VWA7: variants seen among roughly 807,000 people sequenced by gnomAD.
VWA7 encodes von Willebrand factor A domain containing 7.
A neutral mutation model predicts 83.1 loss-of-function variants in VWA7; 66 were observed. That is an observed-to-expected ratio of 0.79 (90% CI 0.65 to 0.98). The LOEUF (loss-of-function observed/expected upper bound fraction) is 0.98, where lower values mean the gene tolerates loss of function less well. Among genes scored for constraint, VWA7 ranks in the 50% least tolerant of loss-of-function variants. The pLI is 0.00. For synonymous variants in VWA7, 424 were observed against 488.5 expected, an observed-to-expected ratio of 0.87 and a Z score of 1.74; for missense variants, 1,080 against 1,160.2, an observed-to-expected ratio of 0.93 and a Z score of 1.00.
In VWA7 at chr6:31,775,192, G is replaced by A. The variant is rs146595626; in HGVS notation, c.610+141C>T. ...GGGAAGCTGCTTAACTGAGCCAGGC[G>A]TTGCTTGGACTGGGGGACCTCAGTC... On this transcript the variant is annotated intron_variant, in intron 4 of 16. Coordinates refer to ENST00000375688, the MANE Select transcript of VWA7 (RefSeq NM_025258.3). This position sits in a 1 kb window ranked among gnomAD's most constrained non-coding sequence, Gnocchi z 5.9. The A allele has an allele frequency of 6.8e-5, 46 of 673,536 alleles. 1 individual carries two copies. The highest frequency in any genetic ancestry group is 4.3e-4 in the Middle Eastern group (1 of 2,336). 41.7% of individuals were successfully genotyped at this position (673,536 alleles called of 1,614,324 possible). A position where few individuals can be genotyped will look rare whatever the true frequency, so the allele number is the denominator to read the frequency against.
rs1337561949 is a variant in VWA7, at chr6:31,766,024, G to T, written c.2358C>A (p.Gly786=). 3.1e-6 allele frequency: 5 copies of T among 1,612,056 alleles called. No individual in the cohort carries two copies. The highest frequency in any genetic ancestry group is 4.2e-6 in the Non-Finnish European group (5 of 1,179,922). The change falls in exon 16 of 17, where the codon GGC becomes GGA. Residue 786 remains glycine, a synonymous_variant. Coordinates refer to ENST00000375688, the MANE Select transcript of VWA7 (RefSeq NM_025258.3). The surrounding 1 kb of genome is among the most constrained non-coding windows in gnomAD (Gnocchi z 4.9). ...AATCTGGGACCTCCAGCCACAGGCG[G>T]CCCCAGGCCGACTCATTCAGTTCCA... The part of the protein sequence containing the change: ...AHLELNESAW[G]RLWLEVPDSA...
Position 31,766,153 on chromosome 6 carries a change from G to A in VWA7, c.2324+92C>T. The A allele has an allele frequency of 6.3e-7, 1 of 1,593,896 alleles. No individual in the cohort carries two copies. The highest frequency in any genetic ancestry group is 8.6e-7 in the Non-Finnish European group (1 of 1,168,976). ...GCACGGGAGCGGAGAGGAGGATTCT[G>A]AGGGCCAGTCGGAGGGGGACAGGGG... On this transcript the variant is annotated intron_variant, in intron 15 of 16. Transcript: ENST00000375688. The surrounding 1 kb of genome is among the most constrained non-coding windows in gnomAD (Gnocchi z 4.9).
At position 31,776,026 on chromosome 6, in the gene VWA7, C is replaced by G. The variant is rs1253716370; in HGVS notation, c.451G>C (p.Ala151Pro). ...VGALRETVVA[A>P]RALDHTLARQ... is the part of the protein sequence containing the mutation. ...GCCAGGGTGTGGTCAAGGGCCCTGG[C>G]TGCCACCACGGTCTCCCGCAGAGCC... The change falls in exon 3 of 17, where the codon GCC (alanine) becomes CCC (proline). Residue 151 changes from alanine to proline, a missense_variant. By Grantham distance (27) the Ala-to-Pro change is conservative (BLOSUM62 -1). Coordinates refer to ENST00000375688, the MANE Select transcript of VWA7 (RefSeq NM_025258.3). The surrounding 1 kb of genome is among the most constrained non-coding windows in gnomAD (Gnocchi z 6.2). The G allele has an allele frequency of 6.2e-7, 1 of 1,613,358 alleles. No homozygotes were observed. The highest frequency in any genetic ancestry group is 8.5e-7 in the Non-Finnish European group (1 of 1,180,020).
In VWA7 at chr6:31,766,628, C is replaced by T; in HGVS notation, c.2019G>A (p.Glu673=). The T allele has an allele frequency of 2.5e-6, 4 of 1,613,054 alleles. No homozygotes were observed. The highest frequency in any genetic ancestry group is 3.4e-6 in the Non-Finnish European group (4 of 1,180,024). ...EGAELGQVPL[E]PVGPPERGLL... is the part of the protein sequence containing the mutation. ...GACCTCGCTCCGGAGGTCCCACGGG[C>T]TCCAAGGGCACCTGGCCTAGTTCGG... The change falls in exon 14 of 17, where the codon GAG becomes GAA. Residue 673 remains glutamate, a synonymous_variant. Transcript: ENST00000375688. The surrounding 1 kb of genome is among the most constrained non-coding windows in gnomAD (Gnocchi z 4.9).
Position 31,766,641 on chromosome 6 carries a change from T to TG in VWA7, c.2005dup (p.Gln669ProfsTer28). 1 of 1,613,092 alleles carries TG rather than the reference T, an allele frequency of 6.2e-7. No homozygotes were observed. The highest frequency in any genetic ancestry group is 1.3e-5 in the African/African-American group (1 of 75,056). On this transcript the variant is annotated frameshift_variant, in exon 14 of 17. Coordinates refer to ENST00000375688, the MANE Select transcript of VWA7 (RefSeq NM_025258.3). LOFTEE classifies it high-confidence loss of function. The surrounding 1 kb of genome is among the most constrained non-coding windows in gnomAD (Gnocchi z 4.9). ...AGGTCCCACGGGCTCCAAGGGCACC[T>TG]GGCCTAGTTCGGCACCCTCTGGGAC...
intron 7 of VWA7, chr6:31,771,385 C>T (rs976499017): frequency 3.3e-5 from 5 of 152,282 alleles, no homozygotes; most frequent in African/African-American, 1.2e-4. Context: ...CTGTGACTGG[C>T]ACTTATACAT....
At position 31,775,661 on chromosome 6, in the gene VWA7, C is replaced by A. The variant is rs556757673; in HGVS notation, c.514-232G>T. On this transcript the variant is annotated intron_variant, in intron 3 of 16. Coordinates refer to ENST00000375688, the MANE Select transcript of VWA7 (RefSeq NM_025258.3). The surrounding 1 kb of genome is among the most constrained non-coding windows in gnomAD (Gnocchi z 5.9). ...TCTCTTCCCAGCTCAGAGTCTAACC[C>A]AAGGCCTCTCTCGGCCTGCAGAGTC... 1.3e-5 allele frequency among the ~76,000 whole-genome samples: 2 copies of A among 152,300 alleles called. No individual in the cohort carries two copies. The highest frequency in any genetic ancestry group is 4.1e-4 in the South Asian group (2 of 4,832).
rs770573518 is a variant in VWA7 at position 31,766,451 on chromosome 6, C to A, written c.2184+12G>T. On this transcript the variant is annotated intron_variant, in intron 14 of 16. Transcript: ENST00000375688. This position sits in a 1 kb window ranked among gnomAD's most constrained non-coding sequence, Gnocchi z 4.9. ...TCTCCAGCCCCAGCCGCACTTTCCC[C>A]TGGCGTCTCACCTCCAGAAGGACAG... The A allele has an allele frequency of 6.3e-7, 1 of 1,583,450 alleles. No individual in the cohort carries two copies. The highest frequency in any genetic ancestry group is 2.3e-5 in the East Asian group (1 of 43,802).
chr6:31,767,074 AAT>A (rs959366143), intron 13 of VWA7, 82 bp downstream of exon 13: 17 of 344,498 alleles, frequency 4.9e-5, no homozygotes, highest in East Asian at 1.4e-4. Context: ...TTATATATAT[AAT>A]ATATATATTA....
At position 31,775,949 on chromosome 6, in the gene VWA7, C is replaced by T. The variant is rs761514222; in HGVS notation, c.513+15G>A. The stretch of plus-strand genomic sequence containing the variant: ...GTGAAGACCCCTCTGACCATCAACC[C>T]AACCCTGTTCTCACCTGCAGGGCAT... On this transcript the variant is annotated intron_variant, in intron 3 of 16. Coordinates refer to ENST00000375688, the MANE Select transcript of VWA7 (RefSeq NM_025258.3). This position sits in a 1 kb window ranked among gnomAD's most constrained non-coding sequence, Gnocchi z 5.9. 5.6e-6 allele frequency: 9 copies of T among 1,598,794 alleles called. No individual in the cohort carries two copies. The highest frequency in any genetic ancestry group is 7.7e-6 in the Non-Finnish European group (9 of 1,171,912).
chr6:31,770,109 G>C lies in VWA7; in HGVS notation c.1092C>G (p.Phe364Leu). 4 of 1,612,498 alleles carry C rather than the reference G, an allele frequency of 2.5e-6. No homozygotes were observed. Among genetic ancestry groups the C allele is most frequent in the Non-Finnish European group, 3.4e-6 (4 of 1,179,672 alleles). ...YVLVPFHDPG[F>L]GPVFTTSDPD... The stretch of plus-strand genomic sequence containing the variant: ...GGTCACTGGTTGTAAAGACAGGGCC[G>C]AACCCTGGGAAGGGGAAAGGAGGTT... The change falls in exon 8 of 17, where the codon TTC becomes TTG. Residue 364 changes from phenylalanine to leucine, a missense_variant. Transcript: ENST00000375688.
chr6:31,777,189 G>T lies in VWA7; in HGVS notation c.-96C>A. On this transcript the variant is annotated 5_prime_UTR_variant, in exon 1 of 17. Coordinates refer to ENST00000375688, the MANE Select transcript of VWA7 (RefSeq NM_025258.3). The surrounding 1 kb of genome is among the most constrained non-coding windows in gnomAD (Gnocchi z 5.8). ...TAGGTCAGAGTTATAATTAACCGAGGCTCAGCAGAGGGGGAGGAAGGCCTC... is the reference window on the plus strand; with the variant it reads ...TAGGTCAGAGTTATAATTAACCGAGTCTCAGCAGAGGGGGAGGAAGGCCTC... 2.7e-6 allele frequency: 1 copy of T among 376,694 alleles called. No individual in the cohort carries two copies. The highest frequency in any genetic ancestry group is 4.8e-6 in the Non-Finnish European group (1 of 207,506). The allele number at this position is 376,694 out of a possible 1,614,324, so 23.3% of individuals were successfully genotyped here.
At position 31,766,656 on chromosome 6, in the gene VWA7, C is replaced by A; in HGVS notation, c.1991G>T (p.Gly664Val). The part of the protein sequence containing the change: ...SHVILRGVPE[G>V]AELGQVPLEP... Reference sequence around the variant, plus strand: ...CAAGGGCACCTGGCCTAGTTCGGCACCCTCTGGGACCCCTCGAAGGATGAC... The same window carrying A: ...CAAGGGCACCTGGCCTAGTTCGGCAACCTCTGGGACCCCTCGAAGGATGAC... The change falls in exon 14 of 17, where the codon GGT (glycine) becomes GTT (valine). Residue 664 changes from glycine (G) to valine (V), a missense_variant. Gly to Val is a moderately radical substitution (Grantham distance 109, BLOSUM62 -3). Coordinates refer to ENST00000375688, the MANE Select transcript of VWA7 (RefSeq NM_025258.3). The surrounding 1 kb of genome is among the most constrained non-coding windows in gnomAD (Gnocchi z 4.9). 2.5e-6 allele frequency: 4 copies of A among 1,612,986 alleles called. No homozygotes were observed. Among genetic ancestry groups the A allele is most frequent in the African/African-American group, 1.3e-5 (1 of 75,032 alleles).
Position 31,775,590 on chromosome 6 carries a change from C to T in VWA7, c.514-161G>A, listed in dbSNP as rs1165790758. Among the ~76,000 whole-genome samples the T allele has an allele frequency of 6.6e-6, 1 of 151,934 alleles. No homozygotes were observed. Among genetic ancestry groups the T allele is most frequent in the Non-Finnish European group, 1.5e-5 (1 of 67,968 alleles). On this transcript the variant is annotated intron_variant, in intron 3 of 16. Transcript: ENST00000375688. This position sits in a 1 kb window ranked among gnomAD's most constrained non-coding sequence, Gnocchi z 5.9. The stretch of plus-strand genomic sequence containing the variant: ...CCAAGTCCCCTCCACTGCCCTCTCT[C>T]CATTGCTCAGAGCAGAGCTTTGCCC...
rs3101017 is a variant in VWA7, at chr6:31,765,689, T to C, written c.2581A>G (p.Thr861Ala). The change falls in exon 17 of 17, where the codon ACT (threonine) becomes GCT (alanine). Residue 861 changes from threonine to alanine, a missense_variant. Physicochemically the swap from Thr to Ala is moderately conservative, Grantham distance 58. Transcript: ENST00000375688. ...TPAFSPFTLVTQGRAGAGLAA... is the reference protein window; with the variant it reads ...TPAFSPFTLVAQGRAGAGLAA... The stretch of plus-strand genomic sequence containing the variant: ...AGCCCTGCCCCAGCCCTGCCTTGAG[T>C]CACCAATGTGAAGGGGGAAAAGGCA... 162,278 of 1,599,996 alleles carry C rather than the reference T, an allele frequency of 0.1. 10,235 individuals carry two copies. The highest frequency in any genetic ancestry group is 0.12 in the Non-Finnish European group (143,834 of 1,173,418).
chr6:31,775,631 C>G lies in VWA7; in HGVS notation c.514-202G>C, dbSNP rs538464347. On this transcript the variant is annotated intron_variant, in intron 3 of 16. Transcript: ENST00000375688. The surrounding 1 kb of genome is among the most constrained non-coding windows in gnomAD (Gnocchi z 5.9). ...AGCTTTGCCCAGGTGGAAACTGTCC[C>G]AGCATCTCTTCCCAGCTCAGAGTCT... Among the ~76,000 whole-genome samples the G allele has an allele frequency of 6.6e-6, 1 of 152,250 alleles. No individual in the cohort carries two copies. The highest frequency in any genetic ancestry group is 1.5e-5 in the Non-Finnish European group (1 of 68,014).
In VWA7 at chr6:31,766,510, G is replaced by A. The variant is rs767765230; in HGVS notation, c.2137C>T (p.His713Tyr). ...GTGCTAGGCTGAGGGGCAGCCCTGTGCAGGCGCCGCCCCGCTGCGTCCTGG... is the reference window on the plus strand; with the variant it reads ...GTGCTAGGCTGAGGGGCAGCCCTGTACAGGCGCCGCCCCGCTGCGTCCTGG... ...IGQDAAGRRL[H>Y]RAAPQPSTVV... The change falls in exon 14 of 17, where the codon CAC becomes TAC. Residue 713 changes from histidine to tyrosine, a missense_variant. His to Tyr is a moderately conservative substitution (Grantham distance 83, BLOSUM62 2). Coordinates refer to ENST00000375688, the MANE Select transcript of VWA7 (RefSeq NM_025258.3). This position sits in a 1 kb window ranked among gnomAD's most constrained non-coding sequence, Gnocchi z 4.9. 3.1e-6 allele frequency: 5 copies of A among 1,606,964 alleles called. No individual in the cohort carries two copies. Among genetic ancestry groups the A allele is most frequent in the Admixed American group, 3.4e-5 (2 of 59,520 alleles).
In VWA7 at chr6:31,776,414, C is replaced by T. The variant is rs2151411344; in HGVS notation, c.234+132G>A. On this transcript the variant is annotated intron_variant, in intron 2 of 16. Coordinates refer to ENST00000375688, the MANE Select transcript of VWA7 (RefSeq NM_025258.3). This position sits in a 1 kb window ranked among gnomAD's most constrained non-coding sequence, Gnocchi z 6.2. ...GGGACTCCTAATTTCAGGACCAAGA[C>T]TACTGGGTATTATTGCTGCAGGGGT... 1 of 1,235,610 alleles carries T rather than the reference C, an allele frequency of 8.1e-7. No individual in the cohort carries two copies. Among genetic ancestry groups the T allele is most frequent in the East Asian group, 2.6e-5 (1 of 39,150 alleles). 76.5% of individuals were successfully genotyped at this position (1,235,610 alleles called of 1,614,324 possible).
rs1264900890 is a variant in VWA7, at chr6:31,773,618, C to T, written c.722-181G>A. ...TCCCAGCGCTTTGGGAGGCCGAGGC[C>T]GGCAGATCATCTGAGATCAGGAGTT... is the stretch of plus-strand genomic sequence containing the variant. On this transcript the variant is annotated intron_variant, in intron 5 of 16. Coordinates refer to ENST00000375688, the MANE Select transcript of VWA7 (RefSeq NM_025258.3). The surrounding 1 kb of genome is among the most constrained non-coding windows in gnomAD (Gnocchi z 5.3). 3.9e-5 allele frequency among the ~76,000 whole-genome samples: 6 copies of T among 151,926 alleles called. No individual in the cohort carries two copies. The highest frequency in any genetic ancestry group is 7.4e-5 in the Non-Finnish European group (5 of 67,988).
Sources: allele counts gnomAD v4.1 joint callset (sites outside exome capture counted in the v4.1 genomes callset), GRCh38; gene constraint gnomAD v4.1.1; non-coding constraint Gnocchi (gnomAD v3.1); transcripts MANE v1.5; gene names NCBI Gene and HGNC (gene_info 2026-07-23, HGNC 2026-07-21).